Variants in COL6A2 observed in about 807,000 individuals in gnomAD.
COL6A2 encodes the protein collagen type VI alpha 2 chain, also known as collagen alpha-2(VI) chain.
Under a neutral mutation model 124.9 loss-of-function variants are expected in COL6A2, and 90 were observed. That is an observed-to-expected ratio of 0.72 (90% CI 0.61 to 0.86). The LOEUF (loss-of-function observed/expected upper bound fraction) is 0.86. COL6A2 is among the 40% of genes least tolerant of loss of function. The pLI is 0.00. For synonymous variants in COL6A2, 793 were observed against 618.2 expected, an observed-to-expected ratio of 1.28 and a Z score of -4.19; for missense variants, 1,607 against 1,502.5, an observed-to-expected ratio of 1.07 and a Z score of -1.15.
In COL6A2 at chr21:46,132,835, A is replaced by C; in HGVS notation, c.*283A>C. 2 of 532,262 alleles carry C rather than the reference A, an allele frequency of 3.8e-6. No individual in the cohort carries two copies. Among genetic ancestry groups the C allele is most frequent in the South Asian group, 4.2e-5 (2 of 47,992 alleles). The allele number at this position is 532,262 out of a possible 1,614,324, so 33.0% of individuals were successfully genotyped here. A position where few individuals can be genotyped will look rare whatever the true frequency, so the allele number is the denominator to read the frequency against. On this transcript the variant is annotated 3_prime_UTR_variant, in exon 28 of 28. Transcript: ENST00000300527. ...TCTGGAGCAAGCCCTGACCCAATAAAGGCTTTGAACCCATTGCGTGCCTGC... is the reference window on the plus strand; with the variant it reads ...TCTGGAGCAAGCCCTGACCCAATAACGGCTTTGAACCCATTGCGTGCCTGC...
chr21:46,111,970 G>A lies in COL6A2; in HGVS notation c.116-9G>A, dbSNP rs554466546. The stretch of plus-strand genomic sequence containing the variant: ...GAGGCTGGCTCGTGACAGGTCCTGT[G>A]CCCCACAGAGAAGACCGACTGCCCC... On this transcript the variant is annotated splice_polypyrimidine_tract_variant and intron_variant, in intron 2 of 27. Transcript: ENST00000300527. 1.9e-6 allele frequency: 3 copies of A among 1,610,236 alleles called. No individual in the cohort carries two copies. Among genetic ancestry groups the A allele is most frequent in the Non-Finnish European group, 2.5e-6 (3 of 1,179,692 alleles).
At chr21:46,102,063 T>C (rs2078294076) in intron 1 of COL6A2, among the ~76,000 whole-genome samples, 1 of 152,136 alleles carries the variant, frequency 6.6e-6, no homozygotes, top group African/African-American at 2.4e-5. Flanking sequence ...TTAAATGTCC[T>C]CTTCAATTTC....
chr21:46,124,758 G>A (rs1373365016), intron 22 of COL6A2, 45 bp downstream of exon 22: 3 of 1,605,174 alleles, frequency 1.9e-6, no homozygotes, highest in East Asian at 2.2e-5. Flanking sequence ...AACCTGCCAG[G>A]CCAACACACA....
intron 27 of COL6A2, among the ~76,000 whole-genome samples, chr21:46,128,509 A>C (rs999725581): frequency 2.5e-5 from 3 of 119,956 alleles, no homozygotes; most frequent in African/African-American, 8.0e-5. Context: ...CCTTCTCCAG[A>C]CAGCCCTGTC....
At position 46,118,799 on chromosome 21, in the gene COL6A2, C is replaced by T. The variant is rs1025718490; in HGVS notation, c.1179+123C>T. 7 of 1,237,494 alleles carry T rather than the reference C, an allele frequency of 5.7e-6. No homozygotes were observed. The African/African-American group carries it at 7.5e-5, about 13-fold the overall frequency. 76.7% of individuals were successfully genotyped at this position (1,237,494 alleles called of 1,614,324 possible). On this transcript the variant is annotated intron_variant, in intron 13 of 27. Transcript: ENST00000300527. Reference sequence around the variant, plus strand: ...ATGGTGCCGCATTGGGCTCTGGGGACACGGGGAGGGACAGGAAGAACAGGC... The same window carrying T: ...ATGGTGCCGCATTGGGCTCTGGGGATACGGGGAGGGACAGGAAGAACAGGC...
Position 46,111,446 on chromosome 21 carries a change from G to A in COL6A2, c.-27-4G>A. 2 of 1,571,720 alleles carry A rather than the reference G, an allele frequency of 1.3e-6. No individual in the cohort carries two copies. Among genetic ancestry groups the A allele is most frequent in the Non-Finnish European group, 1.7e-6 (2 of 1,144,242 alleles). On this transcript the variant is annotated splice_polypyrimidine_tract_variant and splice_region_variant and intron_variant, in intron 1 of 27. Transcript: ENST00000300527. ...TGTCTGAGCGACCCCCACCCCTGTT[G>A]CAGGACTTCAGGGCCACAGGTGCTG...
chr21:46,130,337 T>C (rs540347350), intron 27 of COL6A2, among the ~76,000 whole-genome samples: 47 of 152,268 alleles, frequency 3.1e-4, no homozygotes, highest in African/African-American at 1.1e-3. Context: ...GTCCACAATG[T>C]TGGGGAGCGG....
intron 21 of COL6A2, among the ~76,000 whole-genome samples, chr21:46,123,890 AGTGGATAGATGGATGGGTGG>A (rs1301228395): frequency 4.4e-5 from 1 of 22,494 alleles, no homozygotes; most frequent in Admixed American, 5.4e-4. Context: ...TGGGTGAGTC[AGTGGATAGATGGATGGGTGG>A]GTGGATAGAG....
intron 4 of COL6A2, 78 bp downstream of exon 4, chr21:46,112,902 C>T: frequency 1.3e-6 from 2 of 1,584,094 alleles, no homozygotes; most frequent in Non-Finnish European, 1.7e-6. Context: ...CTGCCGACTC[C>T]TGGCGCCTCC....
intron 1 of COL6A2, among the ~76,000 whole-genome samples, chr21:46,103,520 T>G (rs1241472046): frequency 6.6e-6 from 1 of 152,230 alleles, no homozygotes; most frequent in Non-Finnish European, 1.5e-5. Context: ...GAGACCTGTC[T>G]TTTTTAATAT....
Position 46,116,136 on chromosome 21 carries a change from T to C in COL6A2, c.900+83T>C. On this transcript the variant is annotated intron_variant, in intron 7 of 27. Transcript: ENST00000300527. This position sits in a 1 kb window ranked among gnomAD's most constrained non-coding sequence, Gnocchi z 4.6. ...GGCTCCCCCCAGCCCAGCCTCGGCC[T>C]CAGCCTCTACGACCCTCCCCCCAGT... is the stretch of plus-strand genomic sequence containing the variant. 2 of 1,417,126 alleles carry C rather than the reference T, an allele frequency of 1.4e-6. No homozygotes were observed. Among genetic ancestry groups the C allele is most frequent in the Non-Finnish European group, 1.9e-6 (2 of 1,029,858 alleles). The allele number at this position is 1,417,126 out of a possible 1,614,324, so 87.8% of individuals were successfully genotyped here.
At chr21:46,115,132 C>A (rs2078452850) in intron 5 of COL6A2, among the ~76,000 whole-genome samples, 1 of 152,228 alleles carries the variant, frequency 6.6e-6, no homozygotes, top group African/African-American at 2.4e-5. Context: ...CTTGGCTGCA[C>A]ACAGCAGTGC....
rs779979272 is a variant in COL6A2, at chr21:46,124,900, C to A, written c.1750C>A (p.Pro584Thr). ...VPGPEGEPGP[P>T]GDPGLTECDV... ...CCTTCCCCAGGGTGAGCCCGGCCCC[C>A]CTGGAGACCCCGGTCTCACGGTAGG... The change falls in exon 23 of 28, where the codon CCT becomes ACT. Residue 584 changes from proline to threonine, a missense_variant. By Grantham distance (38) the Pro-to-Thr change is conservative. Coordinates refer to ENST00000300527, the MANE Select transcript of COL6A2 (RefSeq NM_001849.4). 5 of 1,612,828 alleles carry A rather than the reference C, an allele frequency of 3.1e-6. No homozygotes were observed. Among genetic ancestry groups the A allele is most frequent in the African/African-American group, 2.7e-5 (2 of 74,938 alleles).
intron 26 of COL6A2, 107 bp from the exon 27 acceptor site, chr21:46,126,396 C>T: frequency 2.6e-6 from 4 of 1,543,832 alleles, no homozygotes; most frequent in Non-Finnish European, 3.6e-6. Flanking sequence ...GGCTGCAGGG[C>T]AGAGGCCAGC....
At position 46,132,337 on chromosome 21, in the gene COL6A2, G is replaced by A. The variant is rs1263106677; in HGVS notation, c.2845G>A (p.Asp949Asn). Reference sequence around the variant, plus strand: ...AGAGCTGTCCTTCGTGTTCCTCACGGACGGCGTCACGGGCAACGACAGTCT... The same window carrying A: ...AGAGCTGTCCTTCGTGTTCCTCACGAACGGCGTCACGGGCAACGACAGTCT... ...HAELSFVFLT[D>N]GVTGNDSLHE... Residue 949 changes from aspartate to asparagine, a missense_variant, in exon 28 of 28, where the codon GAC (aspartate) becomes AAC (asparagine). By Grantham distance (23) the Asp-to-Asn change is conservative (BLOSUM62 1). Transcript: ENST00000300527. The A allele has an allele frequency of 3.1e-6, 5 of 1,607,948 alleles. No individual in the cohort carries two copies. The highest frequency in any genetic ancestry group is 3.4e-6 in the Non-Finnish European group (4 of 1,179,584).
chr21:46,114,155 G>A (rs1322631963), intron 5 of COL6A2, 82 bp downstream of exon 5: 15 of 1,209,568 alleles, frequency 1.2e-5, no homozygotes, highest in Non-Finnish European at 1.8e-5. Context: ...GGCCGGGCGT[G>A]GTGGCTCATA....
At chr21:46,102,806 A>AAG (rs2078301669) in intron 1 of COL6A2, among the ~76,000 whole-genome samples, 1 of 152,082 alleles carries the variant, frequency 6.6e-6, no homozygotes, top group South Asian at 2.1e-4. Flanking sequence ...ATTATACCAA[A>AAG]TTTAGTTTAC....
At chr21:46,119,726 C>A in intron 14 of COL6A2, 62 bp from the exon 15 acceptor site, 1 of 1,465,528 alleles carries the variant, frequency 6.8e-7, no homozygotes, top group South Asian at 1.2e-5. Flanking sequence ...CAGCCCCCAC[C>A]CTCCACAGGC....
chr21:46,128,990 C>A lies in COL6A2; in HGVS notation c.2461+2449C>A, dbSNP rs1601258742. 3 of 1,605,884 alleles carry A rather than the reference C, an allele frequency of 1.9e-6. No individual in the cohort carries two copies. The East Asian group carries it at 6.7e-5, about 36-fold the overall frequency. On this transcript the variant is annotated intron_variant, in intron 27 of 27. Transcript: ENST00000300527. ...GCCACCGTGCGGGTCTCCTAGCTCC[C>A]TGCCAGCTTCCTGTCCCTGTGCTCA...
Sources: allele counts gnomAD v4.1 joint callset (sites outside exome capture counted in the v4.1 genomes callset), GRCh38; gene constraint gnomAD v4.1.1; non-coding constraint Gnocchi (gnomAD v3.1); transcripts MANE v1.5; gene names NCBI Gene and HGNC (gene_info 2026-07-23, HGNC 2026-07-21).